The following CAMK1D variants were observed in gnomAD, a reference collection of about 807,000 sequenced individuals.
CAMK1D encodes the protein calcium/calmodulin-dependent protein kinase type 1D.
Under a neutral mutation model 47.7 loss-of-function variants are expected in CAMK1D, and 9 were observed. The ratio of observed to expected loss-of-function variants is 0.19; its 90% CI spans 0.11 to 0.33. The LOEUF is 0.33. Among genes scored for constraint, CAMK1D ranks in the 10% least tolerant of loss-of-function variants. CAMK1D has a pLI of 1.00. For synonymous variants in CAMK1D, 184 were observed against 184.9 expected, an observed-to-expected ratio of 0.99 and a Z score of 0.04; for missense variants, 291 against 488.7, an observed-to-expected ratio of 0.60 and a Z score of 3.81.
chr10:12,504,598 G>A (rs77504782), intron 1 of CAMK1D, among the ~76,000 whole-genome samples: 5,499 of 152,238 alleles, frequency 0.036, 135 homozygotes, highest in Non-Finnish European at 0.054. Context: ...GACACACCTA[G>A]AAACGATGCT....
At chr10:12,511,829 A>G (rs1448079570) in intron 1 of CAMK1D, among the ~76,000 whole-genome samples, 3 of 152,216 alleles carry the variant, frequency 2.0e-5, no homozygotes, top group African/African-American at 7.2e-5. Flanking sequence ...TACAGTGATC[A>G]TGACGATGAA....
intron 3 of CAMK1D, among the ~76,000 whole-genome samples, chr10:12,759,009 G>T (rs1337392607): frequency 3.9e-5 from 6 of 152,252 alleles, no homozygotes; most frequent in Non-Finnish European, 4.4e-5. Context: ...TCACTGGCAT[G>T]TAATGGGCAC....
At chr10:12,403,054 G>A (rs1839284828) in intron 1 of CAMK1D, among the ~76,000 whole-genome samples, 1 of 148,822 alleles carries the variant, frequency 6.7e-6, no homozygotes, top group East Asian at 2.0e-4. Flanking sequence ...TTCTTGTTTT[G>A]CCTGCATTGT....
At chr10:12,740,902 G>A (rs566145679) in intron 3 of CAMK1D, among the ~76,000 whole-genome samples, 1 of 152,254 alleles carries the variant, frequency 6.6e-6, no homozygotes, top group South Asian at 2.1e-4. Context: ...ATGTGCCAGT[G>A]GGAGTTAATA....
At chr10:12,376,597 T>C (rs1487146678) in intron 1 of CAMK1D, among the ~76,000 whole-genome samples, 6 of 152,120 alleles carry the variant, frequency 3.9e-5, no homozygotes, top group African/African-American at 1.4e-4. Flanking sequence ...ATGCTTCTCC[T>C]GAGGTCCGGT....
intron 2 of CAMK1D, among the ~76,000 whole-genome samples, chr10:12,594,898 C>T (rs1588671666): frequency 6.6e-6 from 1 of 152,248 alleles, no homozygotes; most frequent in East Asian, 1.9e-4. Context: ...AAGGAATTGA[C>T]TATATAGGTC....
chr10:12,767,020 C>G (rs1836796073), intron 4 of CAMK1D, among the ~76,000 whole-genome samples: 1 of 152,064 alleles, frequency 6.6e-6, no homozygotes, highest in Admixed American at 6.6e-5. Flanking sequence ...AGCCCTGGGC[C>G]CCATCTCAGA....
intron 1 of CAMK1D, among the ~76,000 whole-genome samples, chr10:12,527,625 C>A (rs1045774099): frequency 6.6e-6 from 1 of 152,154 alleles, no homozygotes. Context: ...ATCCGCCTGC[C>A]TCGGCTTCCC....
intron 1 of CAMK1D, among the ~76,000 whole-genome samples, chr10:12,501,102 AACTC>A (rs1199916024): frequency 1.3e-5 from 2 of 152,288 alleles, no homozygotes; most frequent in Non-Finnish European, 2.9e-5. Context: ...CCTCGCCCTC[AACTC>A]ACTCCATTCT....
At chr10:12,397,025 T>C (rs1348402346) in intron 1 of CAMK1D, among the ~76,000 whole-genome samples, 1 of 152,212 alleles carries the variant, frequency 6.6e-6, no homozygotes, top group East Asian at 1.9e-4. Context: ...TCCGCAGCCA[T>C]TGGTAATCTC....
chr10:12,656,035 G>A (rs1840107137), intron 2 of CAMK1D, among the ~76,000 whole-genome samples: 1 of 152,218 alleles, frequency 6.6e-6, no homozygotes, highest in African/African-American at 2.4e-5. Flanking sequence ...GATTGTTAGA[G>A]TTGGAAGAGA....
intron 4 of CAMK1D, among the ~76,000 whole-genome samples, chr10:12,762,879 C>T (rs114871253): frequency 1.3e-5 from 2 of 152,218 alleles, no homozygotes; most frequent in Non-Finnish European, 2.9e-5. Context: ...AATGCCAGTT[C>T]TGTGCTTCCA....
intron 3 of CAMK1D, among the ~76,000 whole-genome samples, chr10:12,676,046 G>C (rs375093286): frequency 6.6e-6 from 1 of 152,090 alleles, no homozygotes; most frequent in Non-Finnish European, 1.5e-5. Context: ...TCTGCCTCCC[G>C]GGTTCAAGCG....
intron 1 of CAMK1D, among the ~76,000 whole-genome samples, chr10:12,352,881 C>T (rs1002672647): frequency 1.4e-4 from 22 of 151,828 alleles, no homozygotes; most frequent in South Asian, 2.1e-4. Context: ...GGACTACAGA[C>T]GCCCGCCGCC....
At chr10:12,394,641 C>G in intron 1 of CAMK1D, among the ~76,000 whole-genome samples, 1 of 152,094 alleles carries the variant, frequency 6.6e-6, no homozygotes, top group East Asian at 1.9e-4. Flanking sequence ...CCCTGCCACA[C>G]CTGGGAGGTG....
chr10:12,781,980 T>G (rs946772646), intron 5 of CAMK1D, among the ~76,000 whole-genome samples: 49 of 150,106 alleles, frequency 3.3e-4, no homozygotes, highest in East Asian at 1.6e-3. Context: ...TTGTTTTTTT[T>G]TTTTTTTTTT....
chr10:12,532,348 C>A (rs1312761700), intron 1 of CAMK1D, among the ~76,000 whole-genome samples: 1 of 149,936 alleles, frequency 6.7e-6, no homozygotes, highest in Admixed American at 6.6e-5. Flanking sequence ...GGCGGGATCT[C>A]GGCTCACTGC....
chr10:12,437,310 G>A (rs1262964424), intron 1 of CAMK1D, among the ~76,000 whole-genome samples: 1 of 152,026 alleles, frequency 6.6e-6, no homozygotes, highest in African/African-American at 2.4e-5. Flanking sequence ...TCCTACCTCA[G>A]TTTCCCAAGT....
chr10:12,542,125 T>C (rs1437298410), intron 1 of CAMK1D, among the ~76,000 whole-genome samples: 1 of 151,592 alleles, frequency 6.6e-6, no homozygotes, highest in African/African-American at 2.4e-5. Context: ...GTGATCCTCC[T>C]GCCTTGGCCT....
Sources: allele counts gnomAD v4.1 joint callset (sites outside exome capture counted in the v4.1 genomes callset), GRCh38; gene constraint gnomAD v4.1.1; transcripts MANE v1.5; gene names NCBI Gene and HGNC (gene_info 2026-07-23, HGNC 2026-07-21).